NAV2: variants seen among roughly 807,000 people sequenced by gnomAD.
The protein encoded by NAV2 is helicase, APC down-regulated 1.
A neutral mutation model predicts 223.2 loss-of-function variants in NAV2; 54 were observed. The observed-to-expected ratio is 0.24, with a 90% confidence interval of 0.19 to 0.30. NAV2 has a LOEUF of 0.30. Ranked by LOEUF, NAV2 falls within the 10% of genes least tolerant of loss-of-function variation. The probability of loss-of-function intolerance (pLI) is 1.00; values close to 1 mark genes in which losing one functional copy is unlikely to be tolerated. For missense variants in NAV2, 2,806 were observed against 3,147.5 expected (o/e 0.89, Z 2.60); for synonymous variants, 1,279 against 1,239.3 (o/e 1.03, Z -0.67).
At chr11:19,380,407 G>C (rs1483232327) in intron 1 of NAV2, 2 of 152,256 alleles carry the variant, frequency 1.3e-5, no homozygotes, top group Non-Finnish European at 2.9e-5. Flanking sequence ...TGCTTGAACT[G>C]TCTCTGGAAT....
intron 1 of NAV2, among the ~76,000 whole-genome samples, chr11:19,606,155 C>T (rs1163659049): frequency 1.3e-5 from 2 of 152,228 alleles, no homozygotes; most frequent in African/African-American, 4.8e-5. Flanking sequence ...TAATCTGTGA[C>T]TGGCTTCTTG....
intron 1 of NAV2, among the ~76,000 whole-genome samples, chr11:19,629,672 A>G (rs930508819): frequency 2.0e-5 from 3 of 152,044 alleles, no homozygotes; most frequent in African/African-American, 4.8e-5. Flanking sequence ...TGGACCCTCA[A>G]ATAGGTCCTA....
intron 11 of NAV2, chr11:20,027,158 A>AT (rs2055169400): frequency 1.6e-6 from 1 of 622,890 alleles, no homozygotes; most frequent in African/African-American, 2.0e-5. Flanking sequence ...TGCTCCCGAG[A>AT]AAACCTCCTG....
intron 1 of NAV2, among the ~76,000 whole-genome samples, chr11:19,823,774 C>T (rs1462004372): frequency 6.6e-6 from 1 of 152,042 alleles, no homozygotes; most frequent in East Asian, 1.9e-4. Flanking sequence ...CTGTCGGGGA[C>T]TCGGGGGCTA....
At chr11:19,369,188 G>A (rs550068523) in intron 1 of NAV2, among the ~76,000 whole-genome samples, 63 of 152,272 alleles carry the variant, frequency 4.1e-4, no homozygotes, top group South Asian at 3.9e-3. Flanking sequence ...AAAGAGGCTC[G>A]CATATGTTTT....
At chr11:19,443,452 C>T (rs1354359517) in intron 1 of NAV2, among the ~76,000 whole-genome samples, 2 of 152,236 alleles carry the variant, frequency 1.3e-5, no homozygotes, top group Admixed American at 6.5e-5. Flanking sequence ...CTCTGAGATA[C>T]AGTTTGTCCT....
chr11:19,806,169 GC>G (rs543948903), intron 1 of NAV2, among the ~76,000 whole-genome samples: 147 of 152,240 alleles, frequency 9.7e-4, no homozygotes, highest in African/African-American at 3.4e-3. Context: ...AATAAACAAG[GC>G]CCTAAAATGT....
At chr11:19,541,598 A>G (rs2044344289) in intron 1 of NAV2, among the ~76,000 whole-genome samples, 3 of 152,074 alleles carry the variant, frequency 2.0e-5, no homozygotes, top group Admixed American at 2.0e-4. Flanking sequence ...CACACAGGGG[A>G]TGTACTCACA....
At chr11:20,103,592 C>T in intron 33 of NAV2, 61 bp from the exon 34 acceptor site, 13 of 1,580,992 alleles carry the variant, frequency 8.2e-6, no homozygotes, top group Non-Finnish European at 1.1e-5. Flanking sequence ...GCCTCTGTGA[C>T]CACCTTGTTC....
chr11:19,752,435 A>T (rs1439147028), intron 1 of NAV2, among the ~76,000 whole-genome samples: 1 of 152,232 alleles, frequency 6.6e-6, no homozygotes, highest in Non-Finnish European at 1.5e-5. Context: ...CAAAAATCTT[A>T]TAGAAAATGT....
upstream of NAV2, among the ~76,000 whole-genome samples, chr11:19,347,231 G>A (rs932338842): frequency 3.3e-5 from 5 of 152,162 alleles, no homozygotes; most frequent in East Asian, 7.7e-4. Context: ...AGAAGGCCTG[G>A]CCTGTGACTT....
chr11:19,765,235 G>A (rs1319333056), intron 1 of NAV2, among the ~76,000 whole-genome samples: 3 of 152,194 alleles, frequency 2.0e-5, no homozygotes, highest in African/African-American at 2.4e-5. Flanking sequence ...CTATATGAGA[G>A]ATAAGCAAAC....
intron 1 of NAV2, among the ~76,000 whole-genome samples, chr11:19,617,008 C>T (rs1231841911): frequency 6.6e-6 from 1 of 152,044 alleles, no homozygotes; most frequent in East Asian, 1.9e-4. Flanking sequence ...CGTTACATTG[C>T]AGGCTCATTT....
intron 31 of NAV2, among the ~76,000 whole-genome samples, chr11:20,099,737 C>T (rs1389135764): frequency 6.6e-6 from 1 of 152,180 alleles, no homozygotes; most frequent in Non-Finnish European, 1.5e-5. Context: ...CAAGTGAGCT[C>T]TTGTGCAAAA....
chr11:19,407,330 G>A (rs1018131459), intron 1 of NAV2, among the ~76,000 whole-genome samples: 8 of 152,148 alleles, frequency 5.3e-5, no homozygotes, highest in Non-Finnish European at 8.8e-5. Context: ...AGGCTGACAA[G>A]CAGCACCGAA....
intron 1 of NAV2, among the ~76,000 whole-genome samples, chr11:19,808,413 A>T (rs2058687952): frequency 6.6e-6 from 1 of 152,246 alleles, no homozygotes; most frequent in Non-Finnish European, 1.5e-5. Flanking sequence ...GAATTAAGCA[A>T]GTTATCAGGC....
At chr11:19,904,104 G>T (rs1011880839) in intron 6 of NAV2, among the ~76,000 whole-genome samples, 3 of 152,152 alleles carry the variant, frequency 2.0e-5, no homozygotes, top group Admixed American at 6.5e-5. Context: ...GCTGCAAAAA[G>T]GTTATGCTAG....
At chr11:19,787,270 C>T (rs12421140) in intron 1 of NAV2, among the ~76,000 whole-genome samples, 1,269 of 54,878 alleles carry the variant, frequency 0.023, 139 homozygotes, top group East Asian at 0.19. Flanking sequence ...TTTATTGGAT[C>T]TTTTTTTTTT....
chr11:19,994,796 G>A (rs1190719204), intron 11 of NAV2, among the ~76,000 whole-genome samples: 1 of 152,068 alleles, frequency 6.6e-6, no homozygotes, highest in Non-Finnish European at 1.5e-5. Flanking sequence ...ATTTTCCCAG[G>A]GCTGTCTCTC....
Sources: allele counts gnomAD v4.1 joint callset (sites outside exome capture counted in the v4.1 genomes callset), GRCh38; gene constraint gnomAD v4.1.1; transcripts MANE v1.5; gene names NCBI Gene and HGNC (gene_info 2026-07-23, HGNC 2026-07-21).